Variants in AFG2A observed in about 807,000 individuals in gnomAD.
AFG2A encodes ATPase family gene 2 protein homolog A.
At chr4:123,011,665 A>C in the AFG2A span, among the ~76,000 whole-genome samples, 1 of 152,232 alleles carries the variant, frequency 6.6e-6, no homozygotes, top group African/African-American at 2.4e-5. Context: ...ATTGGGGTCA[A>C]GCGGTGTTGG....
chr4:123,086,245 A>G, the AFG2A span, among the ~76,000 whole-genome samples: 11 of 152,212 alleles, frequency 7.2e-5, no homozygotes, highest in African/African-American at 2.4e-4. Flanking sequence ...CCTTATTTTT[A>G]TTTGAGAAAA....
the AFG2A span, among the ~76,000 whole-genome samples, chr4:123,052,422 A>G: frequency 6.6e-6 from 1 of 152,218 alleles, no homozygotes; most frequent in Admixed American, 6.5e-5. Context: ...GAAAGGTCAC[A>G]TATCTCTATC....
chr4:123,136,758 C>T, the AFG2A span, among the ~76,000 whole-genome samples: 1 of 150,952 alleles, frequency 6.6e-6, no homozygotes, highest in African/African-American at 2.4e-5. Flanking sequence ...AGAAGAATCG[C>T]TTGAACCCAG....
At chr4:122,953,215 G>A in the AFG2A span, among the ~76,000 whole-genome samples, 1 of 152,204 alleles carries the variant, frequency 6.6e-6, no homozygotes, top group Non-Finnish European at 1.5e-5. Flanking sequence ...CCCAGCAGTT[G>A]TTTGGAGGGT....
the AFG2A span, among the ~76,000 whole-genome samples, chr4:123,165,817 T>C: frequency 1.3e-5 from 2 of 152,158 alleles, no homozygotes; most frequent in Non-Finnish European, 2.9e-5. Flanking sequence ...GTCTTAAATT[T>C]TTCATATATC....
At chr4:122,936,516 A>T in the AFG2A span, among the ~76,000 whole-genome samples, 1 of 152,196 alleles carries the variant, frequency 6.6e-6, no homozygotes. Context: ...GTTATGTTAT[A>T]CTTTGCTTCA....
At chr4:123,269,246 G>C in the AFG2A span, among the ~76,000 whole-genome samples, 1 of 152,122 alleles carries the variant, frequency 6.6e-6, no homozygotes, top group Non-Finnish European at 1.5e-5. Context: ...TACTTTGGTG[G>C]GGTCCCTGTC....
the AFG2A span, among the ~76,000 whole-genome samples, chr4:123,040,474 C>CT: frequency 3.9e-5 from 6 of 152,230 alleles, no homozygotes; most frequent in East Asian, 1.2e-3. Context: ...GTGACAAAGA[C>CT]TTTATGTGGC....
the AFG2A span, among the ~76,000 whole-genome samples, chr4:123,016,910 C>A: frequency 1.3e-5 from 2 of 152,164 alleles, no homozygotes; most frequent in African/African-American, 2.4e-5. Flanking sequence ...ACTCGCAGTT[C>A]GGAGCTGGAG....
chr4:122,950,487 G>A, the AFG2A span, among the ~76,000 whole-genome samples: 1 of 152,030 alleles, frequency 6.6e-6, no homozygotes, highest in Non-Finnish European at 1.5e-5. Context: ...TTACAGGTGT[G>A]TACCACCACA....
At chr4:123,259,024 G>A in the AFG2A span, among the ~76,000 whole-genome samples, 2 of 151,638 alleles carry the variant, frequency 1.3e-5, no homozygotes, top group Non-Finnish European at 2.9e-5. Context: ...CCACCACCAC[G>A]CCCAGCTAAT....
the AFG2A span, among the ~76,000 whole-genome samples, chr4:123,242,825 G>A: frequency 1.3e-5 from 2 of 152,074 alleles, no homozygotes; most frequent in Admixed American, 6.5e-5. Flanking sequence ...CTACAGAAGG[G>A]GAGAAAATTT....
At chr4:123,074,611 T>C in the AFG2A span, among the ~76,000 whole-genome samples, 1 of 152,152 alleles carries the variant, frequency 6.6e-6, no homozygotes, top group Non-Finnish European at 1.5e-5. Context: ...CTTTGATGGT[T>C]TTCTAATGGA....
chr4:123,110,818 A>T, the AFG2A span, among the ~76,000 whole-genome samples: 109 of 152,310 alleles, frequency 7.2e-4, no homozygotes, highest in Middle Eastern at 3.4e-3. Flanking sequence ...GCTTGCCATG[A>T]TTCAGGAACT....
chr4:123,314,542 G>T, the AFG2A span: 1 of 152,246 alleles, frequency 6.6e-6, no homozygotes, highest in African/African-American at 2.4e-5. Flanking sequence ...GGCCCAATGT[G>T]CCAGCCAGGC....
At chr4:123,117,649 A>G in the AFG2A span, among the ~76,000 whole-genome samples, 34 of 151,894 alleles carry the variant, frequency 2.2e-4, no homozygotes, top group Non-Finnish European at 4.7e-4. Flanking sequence ...CATACTACCC[A>G]CAGTCCATTA....
the AFG2A span, among the ~76,000 whole-genome samples, chr4:122,943,253 T>G: frequency 6.6e-6 from 1 of 152,172 alleles, no homozygotes; most frequent in Non-Finnish European, 1.5e-5. Flanking sequence ...TCTCCCATTA[T>G]TATTGTGTGG....
At chr4:123,036,624 TGG>T in the AFG2A span, among the ~76,000 whole-genome samples, 1 of 152,150 alleles carries the variant, frequency 6.6e-6, no homozygotes, top group Non-Finnish European at 1.5e-5. Context: ...GGGGATTTCA[TGG>T]GCATGTAAAT....
the AFG2A span, chr4:123,256,207 T>C: frequency 2.5e-6 from 4 of 1,608,728 alleles, no homozygotes; most frequent in African/African-American, 5.3e-5. Context: ...CAAAATACCT[T>C]AGTGGGAGGA....
Sources: gnomAD v4.1 joint callset for allele counts (sites outside exome capture counted in the v4.1 genomes callset) on GRCh38, gnomAD v4.1.1 for gene constraint, MANE v1.5 for transcripts, NCBI Gene and HGNC (gene_info 2026-07-23, HGNC 2026-07-21) for gene names.